The following TMEM19 variants were observed in gnomAD, a reference collection of about 807,000 sequenced individuals.
The protein encoded by TMEM19 is transmembrane protein 19.
TMEM19 carries 21 observed loss-of-function variants against 33.6 expected under a neutral mutation model. That is an observed-to-expected ratio of 0.62 (90% CI 0.44 to 0.90). The LOEUF (loss-of-function observed/expected upper bound fraction) is 0.90. Among genes scored for constraint, TMEM19 ranks in the 40% least tolerant of loss-of-function variants. The probability of loss-of-function intolerance (pLI) is 0.00; values close to 1 mark genes in which losing one functional copy is unlikely to be tolerated. For missense variants in TMEM19, 402 were observed against 401.8 expected (o/e 1.00, Z 0.00); for synonymous variants, 149 against 147.5 (o/e 1.01, Z -0.07).
At position 71,702,212 on chromosome 12, in the gene TMEM19, A is replaced by G. The variant is rs1881990105; in HGVS notation, c.*1217A>G. On this transcript the variant is annotated 3_prime_UTR_variant, in exon 6 of 6. Transcript: ENST00000266673. ...GAACTGACTTACTTCAGGACAGAAG[A>G]AAAAACAATCACACCCTTAACCTTT... 1 of 152,336 alleles carries G rather than the reference A, an allele frequency of 6.6e-6. No homozygotes were observed. Among genetic ancestry groups the G allele is most frequent in the African/African-American group, 2.4e-5 (1 of 41,564 alleles). 9.4% of individuals were successfully genotyped at this position (152,336 alleles called of 1,614,324 possible).
intron 5 of TMEM19, among the ~76,000 whole-genome samples, chr12:71,700,495 C>T (rs570561179): frequency 6.6e-6 from 1 of 152,252 alleles, no homozygotes; most frequent in African/African-American, 2.4e-5. Context: ...AGTTTCATGC[C>T]CTCTCTGCTT....
In TMEM19 at chr12:71,703,833, A is replaced by G. The variant is rs1374157343; in HGVS notation, c.*2838A>G. The G allele has an allele frequency of 3.9e-6, 1 of 257,494 alleles. No individual in the cohort carries two copies. Among genetic ancestry groups the G allele is most frequent in the Non-Finnish European group, 8.1e-6 (1 of 122,916 alleles). The allele number at this position is 257,494 out of a possible 1,614,324, so 16.0% of individuals were successfully genotyped here. A position where few individuals can be genotyped will look rare whatever the true frequency, so the allele number is the denominator to read the frequency against. ...AAGCTTTGTAAATAAACTGGTTTTCATAGCTTTTTGGAGATGAGAATTGAG... is the reference window on the plus strand; with the variant it reads ...AAGCTTTGTAAATAAACTGGTTTTCGTAGCTTTTTGGAGATGAGAATTGAG... On this transcript the variant is annotated 3_prime_UTR_variant, in exon 6 of 6. Transcript: ENST00000266673.
At chr12:71,688,560 C>T (rs1592618012) in intron 1 of TMEM19, among the ~76,000 whole-genome samples, 1 of 152,118 alleles carries the variant, frequency 6.6e-6, no homozygotes, top group Non-Finnish European at 1.5e-5. Flanking sequence ...AACATAGATA[C>T]AAGCAGTGGT....
rs1259468090 is a variant in TMEM19, at chr12:71,702,713, A to G, written c.*1718A>G. ...TACAGCCTGGATATTGAGACTTTTT[A>G]AAGCTCTGACTGTACATTGAATCAT... is the stretch of plus-strand genomic sequence containing the variant. On this transcript the variant is annotated 3_prime_UTR_variant, in exon 6 of 6. Coordinates refer to ENST00000266673, the MANE Select transcript of TMEM19 (RefSeq NM_018279.4). 2 of 152,210 alleles carry G rather than the reference A, an allele frequency of 1.3e-5. No homozygotes were observed. Among genetic ancestry groups the G allele is most frequent in the Non-Finnish European group, 2.9e-5 (2 of 68,044 alleles). 9.4% of individuals were successfully genotyped at this position (152,210 alleles called of 1,614,324 possible). A position where few individuals can be genotyped will look rare whatever the true frequency, so the allele number is the denominator to read the frequency against.
chr12:71,697,221 C>G, intron 3 of TMEM19, 59 bp from the exon 4 acceptor site: 1 of 1,546,946 alleles, frequency 6.5e-7, no homozygotes, highest in Non-Finnish European at 8.6e-7. Context: ...CCTATAACTG[C>G]ATGGTTTTTC....
chr12:71,688,738 A>G (rs1881734415), intron 1 of TMEM19, among the ~76,000 whole-genome samples: 1 of 152,268 alleles, frequency 6.6e-6, no homozygotes, highest in African/African-American at 2.4e-5. Flanking sequence ...ATTTTAAAAC[A>G]GAAGCCAAGA....
chr12:71,686,605 T>G lies in TMEM19; in HGVS notation c.-76T>G. 6.5e-7 allele frequency: 1 copy of G among 1,528,176 alleles called. No individual in the cohort carries two copies. The highest frequency in any genetic ancestry group is 1.1e-5 in the South Asian group (1 of 87,210). The allele number at this position is 1,528,176 out of a possible 1,614,324, so 94.7% of individuals were successfully genotyped here. ...TTATGTTTGCCTCTGAACAAGTGTC[T>G]TGCTCACATCGTAAATGACTTTCTC... On this transcript the variant is annotated 5_prime_UTR_variant, in exon 1 of 6. Transcript: ENST00000266673.
At position 71,698,992 on chromosome 12, in the gene TMEM19, TTTGTGAATGA is replaced by T; in HGVS notation, c.733_742del (p.Val245Ter). The T allele has an allele frequency of 6.2e-7, 1 of 1,614,176 alleles. No homozygotes were observed. On this transcript the variant is annotated frameshift_variant, in exon 5 of 6. Coordinates refer to ENST00000266673, the MANE Select transcript of TMEM19 (RefSeq NM_018279.4). LOFTEE classifies it high-confidence loss of function. ...TGCATACTTCCTCACACAGCTGATT[TTTGTGAATGA>T]TTTAGACATTTCTGCCCCGCAGTGG...
Position 71,697,393 on chromosome 12 carries a change from C to G in TMEM19, c.496C>G (p.Gln166Glu). Residue 166 changes from glutamine (Q) to glutamate (E), a missense_variant, in exon 4 of 6, where the codon CAG becomes GAG. Coordinates refer to ENST00000266673, the MANE Select transcript of TMEM19 (RefSeq NM_018279.4). ...GGAAATCCCAGTCGATTTTTCCAAG[C>G]AGTACTCCGCTTCCTGGATGTGTTT... ...PGEIPVDFSKQYSASWMCLSL... is the reference protein window; with the variant it reads ...PGEIPVDFSKEYSASWMCLSL... The G allele has an allele frequency of 1.2e-6, 2 of 1,610,990 alleles. No individual in the cohort carries two copies. The highest frequency in any genetic ancestry group is 1.7e-6 in the Non-Finnish European group (2 of 1,178,840).
rs750972285 is a variant in TMEM19 at position 71,689,696 on chromosome 12, C to T, written c.236C>T (p.Ala79Val). The change falls in exon 2 of 6, where the codon GCT becomes GTT. Residue 79 changes from alanine to valine, a missense_variant. Ala to Val is a moderately conservative substitution (Grantham distance 64). Transcript: ENST00000266673. ...AAGAAAAGTCTAGATCACAGTGGGG[C>T]TCTAGGAGGTATGTTTTTATTTTGA... ...LKKKSLDHSG[A>V]LGGLVVGFIL... is the part of the protein sequence containing the mutation. The T allele has an allele frequency of 4.4e-6, 7 of 1,607,756 alleles. 1 individual carries two copies. In the South Asian group the frequency reaches 7.7e-5, roughly 18 times the overall value.
intron 2 of TMEM19, among the ~76,000 whole-genome samples, chr12:71,695,536 AAGGTTGG>A (rs2137596328): frequency 6.6e-6 from 1 of 152,340 alleles, no homozygotes; most frequent in South Asian, 2.1e-4. Context: ...AAAAAACTTA[AAGGTTGG>A]ATAACAATAT....
chr12:71,689,733 AACT>A (rs762195929), intron 2 of TMEM19, 29 bp downstream of exon 2: 75 of 1,454,952 alleles, frequency 5.2e-5, no homozygotes, highest in Non-Finnish European at 7.0e-5. Context: ...TGTTTACAGT[AACT>A]ACTAAGTGCT....
In TMEM19 at chr12:71,703,663, C is replaced by A; in HGVS notation, c.*2668C>A. ...CTAATAGGATCTGTGTAAAATATTT[C>A]ACTCAAAACTACTAAAAAAAAGTCT... On this transcript the variant is annotated 3_prime_UTR_variant, in exon 6 of 6. Coordinates refer to ENST00000266673, the MANE Select transcript of TMEM19 (RefSeq NM_018279.4). 1 of 172,062 alleles carries A rather than the reference C, an allele frequency of 5.8e-6. No homozygotes were observed. Among genetic ancestry groups the A allele is most frequent in the South Asian group, 1.3e-4 (1 of 7,524 alleles). 10.7% of individuals were successfully genotyped at this position (172,062 alleles called of 1,614,324 possible). A position where few individuals can be genotyped will look rare whatever the true frequency, so the allele number is the denominator to read the frequency against.
chr12:71,703,777 C>A lies in TMEM19; in HGVS notation c.*2782C>A. ...AGTATAACTAAAGATCATAAAGAGC[C>A]TCAGATCAAGTTTGGTCAGGTTTTG... On this transcript the variant is annotated 3_prime_UTR_variant, in exon 6 of 6. Transcript: ENST00000266673. 4.2e-6 allele frequency: 1 copy of A among 239,752 alleles called. No homozygotes were observed. Among genetic ancestry groups the A allele is most frequent in the Non-Finnish European group, 8.7e-6 (1 of 114,674 alleles). The allele number at this position is 239,752 out of a possible 1,614,324, so 14.9% of individuals were successfully genotyped here.
At chr12:71,695,986 T>C (rs2137596658) in intron 2 of TMEM19, among the ~76,000 whole-genome samples, 1 of 152,290 alleles carries the variant, frequency 6.6e-6, no homozygotes, top group East Asian at 1.9e-4. Flanking sequence ...TTGGTTATGA[T>C]ATCTGAACTT....
At chr12:71,700,198 G>A (rs1255788862) in intron 5 of TMEM19, among the ~76,000 whole-genome samples, 2 of 152,134 alleles carry the variant, frequency 1.3e-5, no homozygotes, top group Non-Finnish European at 2.9e-5. Flanking sequence ...TCACTAAAGG[G>A]TCAATAACTC....
chr12:71,693,427 A>T (rs1881819374), intron 2 of TMEM19, among the ~76,000 whole-genome samples: 1 of 152,080 alleles, frequency 6.6e-6, no homozygotes, highest in South Asian at 2.1e-4. Flanking sequence ...GATTTAAAGT[A>T]TATCATAGTA....
At chr12:71,690,175 C>T (rs74908004) in intron 2 of TMEM19, among the ~76,000 whole-genome samples, 1 of 151,594 alleles carries the variant, frequency 6.6e-6, no homozygotes, top group African/African-American at 2.4e-5. Context: ...TTTTTTTTCC[C>T]GAGACAGTCT....
rs185633479 is a variant in TMEM19 at position 71,702,687 on chromosome 12, G to T, written c.*1692G>T. The stretch of plus-strand genomic sequence containing the variant: ...AAAATTCTGATTTATCTGATCTAAG[G>T]TACAGCCTGGATATTGAGACTTTTT... On this transcript the variant is annotated 3_prime_UTR_variant, in exon 6 of 6. Coordinates refer to ENST00000266673, the MANE Select transcript of TMEM19 (RefSeq NM_018279.4). 6.6e-6 allele frequency: 1 copy of T among 152,228 alleles called. No homozygotes were observed. The highest frequency in any genetic ancestry group is 1.9e-4 in the East Asian group (1 of 5,182). 9.4% of individuals were successfully genotyped at this position (152,228 alleles called of 1,614,324 possible). A position where few individuals can be genotyped will look rare whatever the true frequency, so the allele number is the denominator to read the frequency against.
Sources: gnomAD v4.1 joint callset for allele counts (sites outside exome capture counted in the v4.1 genomes callset) on GRCh38, gnomAD v4.1.1 for gene constraint, MANE v1.5 for transcripts, NCBI Gene and HGNC (gene_info 2026-07-23, HGNC 2026-07-21) for gene names.